The following ADAMTS3 variants were observed in gnomAD, a reference collection of about 807,000 sequenced individuals.
ADAMTS3 encodes the protein A disintegrin and metalloproteinase with thrombospondin motifs 3.
A neutral mutation model predicts 129.0 loss-of-function variants in ADAMTS3; 73 were observed. The ratio of observed to expected loss-of-function variants is 0.57; its 90% CI spans 0.47 to 0.69. The LOEUF (loss-of-function observed/expected upper bound fraction) is 0.69, where lower values mean the gene tolerates loss of function less well. ADAMTS3 is among the 30% of genes least tolerant of loss of function. The pLI, the probability that ADAMTS3 is intolerant of heterozygous loss-of-function variation, is 0.00. For synonymous variants in ADAMTS3, 477 were observed against 510.8 expected, an observed-to-expected ratio of 0.93 and a Z score of 0.89; for missense variants, 1,457 against 1,514.5, an observed-to-expected ratio of 0.96 and a Z score of 0.63.
chr4:72,555,918 T>A (rs535558627), intron 2 of ADAMTS3, among the ~76,000 whole-genome samples: 1 of 151,772 alleles, frequency 6.6e-6, no homozygotes, highest in Admixed American at 6.5e-5. Context: ...CCCTTCACCC[T>A]TCCACCATGA....
chr4:72,566,826 C>T (rs1054810766), intron 2 of ADAMTS3, among the ~76,000 whole-genome samples: 7 of 152,130 alleles, frequency 4.6e-5, no homozygotes, highest in African/African-American at 1.2e-4. Context: ...CAGAAGAGTA[C>T]TGGGATTTTA....
chr4:72,324,880 G>T (rs1333004659), intron 5 of ADAMTS3, among the ~76,000 whole-genome samples: 1 of 152,090 alleles, frequency 6.6e-6, no homozygotes, highest in East Asian at 1.9e-4. Flanking sequence ...GATACATAAT[G>T]GTTAAAAGCC....
At position 72,326,301 on chromosome 4, in the gene ADAMTS3, T is replaced by C. The variant is rs543591278; in HGVS notation, c.862-3204A>G. On this transcript the variant is annotated intron_variant, in intron 5 of 21. Transcript: ENST00000286657. Reference sequence around the variant, plus strand: ...AAAGCACTGTATCTTATTATTTTGATTTTCAAGGCTTAAAAAAGTTCCTCC... The same window carrying C: ...AAAGCACTGTATCTTATTATTTTGACTTTCAAGGCTTAAAAAAGTTCCTCC... Among the ~76,000 whole-genome samples the C allele has an allele frequency of 1.6e-3, 246 of 152,240 alleles. 1 individual carries two copies. The highest frequency in any genetic ancestry group is 5.4e-3 in the African/African-American group (224 of 41,558).
chr4:72,491,892 G>A (rs1375643711), intron 3 of ADAMTS3, among the ~76,000 whole-genome samples: 1 of 151,682 alleles, frequency 6.6e-6, no homozygotes, highest in Non-Finnish European at 1.5e-5. Flanking sequence ...ATCAGGTTCT[G>A]AACTTTTCAT....
chr4:72,561,513 A>G (rs1280452715), intron 2 of ADAMTS3, among the ~76,000 whole-genome samples: 1 of 152,242 alleles, frequency 6.6e-6, no homozygotes, highest in Non-Finnish European at 1.5e-5. Flanking sequence ...TCAAAAAAAA[A>G]AGAAAGAAAA....
intron 4 of ADAMTS3, among the ~76,000 whole-genome samples, chr4:72,408,854 C>T (rs1011787810): frequency 4.6e-5 from 7 of 151,886 alleles, no homozygotes; most frequent in Admixed American, 2.0e-4. Flanking sequence ...TAAAACCAAA[C>T]ACCATGAACA....
chr4:72,351,030 C>T (rs912342612), intron 4 of ADAMTS3, among the ~76,000 whole-genome samples: 2 of 151,922 alleles, frequency 1.3e-5, no homozygotes, highest in African/African-American at 4.8e-5. Context: ...CCTGGGTTCC[C>T]CTTCCCTGGG....
At chr4:72,526,794 A>G (rs1720828659) in intron 3 of ADAMTS3, among the ~76,000 whole-genome samples, 1 of 146,168 alleles carries the variant, frequency 6.8e-6, no homozygotes, top group Non-Finnish European at 1.5e-5. Context: ...AGAGAGAGAG[A>G]GAGAGAGAGG....
chr4:72,491,143 C>A (rs930615404), intron 3 of ADAMTS3, among the ~76,000 whole-genome samples: 2 of 151,822 alleles, frequency 1.3e-5, no homozygotes, highest in Non-Finnish European at 2.9e-5. Flanking sequence ...AATAGAAGCA[C>A]AATTGATTTT....
chr4:72,309,813 T>C (rs3816076), intron 14 of ADAMTS3, among the ~76,000 whole-genome samples: 6,250 of 152,178 alleles, frequency 0.041, 354 homozygotes, highest in East Asian at 0.31. Flanking sequence ...CAGATGTAGC[T>C]GATGCTGAGG....
chr4:72,475,360 T>C (rs1256599989), intron 3 of ADAMTS3, among the ~76,000 whole-genome samples: 2 of 151,940 alleles, frequency 1.3e-5, no homozygotes, highest in South Asian at 4.1e-4. Flanking sequence ...TAAGTGGCTA[T>C]ACTAATGTTA....
intron 3 of ADAMTS3, among the ~76,000 whole-genome samples, chr4:72,434,661 T>C (rs905869794): frequency 6.6e-6 from 1 of 151,818 alleles, no homozygotes; most frequent in African/African-American, 2.4e-5. Flanking sequence ...TTAGGTTACA[T>C]ATGTGGCAAA....
chr4:72,568,481 G>A (rs1432227480), intron 1 of ADAMTS3, among the ~76,000 whole-genome samples: 1 of 152,030 alleles, frequency 6.6e-6, no homozygotes, highest in African/African-American at 2.4e-5. Flanking sequence ...CTGGGCTCCC[G>A]GAGTGGGAGT....
chr4:72,484,109 A>T (rs1359390450), intron 3 of ADAMTS3, among the ~76,000 whole-genome samples: 1 of 152,116 alleles, frequency 6.6e-6, no homozygotes, highest in Non-Finnish European at 1.5e-5. Flanking sequence ...CCCTCCCTCA[A>T]TCCCATCTAA....
chr4:72,462,120 T>C (rs914954489), intron 3 of ADAMTS3, among the ~76,000 whole-genome samples: 1 of 151,794 alleles, frequency 6.6e-6, no homozygotes, highest in Non-Finnish European at 1.5e-5. Flanking sequence ...GTTCAGGTCA[T>C]AATAATTGCT....
intron 3 of ADAMTS3, among the ~76,000 whole-genome samples, chr4:72,530,680 TATA>T (rs1317312216): frequency 1.1e-5 from 1 of 90,608 alleles, no homozygotes; most frequent in Non-Finnish European, 1.9e-5. Context: ...ATATAATATG[TATA>T]ATATATATTG....
In ADAMTS3 at chr4:72,296,413, T is replaced by C. The variant is rs145240542; in HGVS notation, c.2591-627A>G. Among the ~76,000 whole-genome samples, 258 of 152,188 alleles carry C rather than the reference T, an allele frequency of 1.7e-3. 1 individual carries two copies. Among genetic ancestry groups the C allele is most frequent in the African/African-American group, 5.8e-3 (241 of 41,542 alleles). On this transcript the variant is annotated intron_variant, in intron 18 of 21. Transcript: ENST00000286657. Reference sequence around the variant, plus strand: ...TTTCTGGACATTATCCTGAAGGTTATAGGGAGTTACTGAGGGTCTCTCAAA... The same window carrying C: ...TTTCTGGACATTATCCTGAAGGTTACAGGGAGTTACTGAGGGTCTCTCAAA...
At chr4:72,312,564 G>T in intron 12 of ADAMTS3, 98 bp from the exon 13 acceptor site, 1 of 1,183,296 alleles carries the variant, frequency 8.5e-7, no homozygotes, top group East Asian at 2.5e-5. Flanking sequence ...AAAGTTTCTG[G>T]GCTGCCAGCA....
chr4:72,565,171 T>C (rs1003756518), intron 2 of ADAMTS3, among the ~76,000 whole-genome samples: 7 of 152,240 alleles, frequency 4.6e-5, no homozygotes, highest in Non-Finnish European at 1.0e-4. Context: ...GGTTTATTAC[T>C]CATTTATATT....
Sources: gnomAD v4.1 joint callset for allele counts (sites outside exome capture counted in the v4.1 genomes callset) on GRCh38, gnomAD v4.1.1 for gene constraint, MANE v1.5 for transcripts, NCBI Gene and HGNC (gene_info 2026-07-23, HGNC 2026-07-21) for gene names.